The following SLC22A3 variants were observed in gnomAD, a reference collection of about 807,000 sequenced individuals.
SLC22A3 encodes solute carrier family 22 member 3.
A neutral mutation model predicts 59.1 loss-of-function variants in SLC22A3; 51 were observed. The observed-to-expected ratio is 0.86, with a 90% CI of 0.69 to 1.09. The LOEUF (loss-of-function observed/expected upper bound fraction) is 1.09. Among genes scored for constraint, SLC22A3 ranks in the 50% least tolerant of loss-of-function variants. SLC22A3 has a pLI of 0.00. For synonymous variants in SLC22A3, 325 were observed against 292.0 expected (o/e 1.11, Z -1.15); for missense variants, 711 against 726.3 (o/e 0.98, Z 0.24).
chr6:160,386,287 C>T (rs954866972), intron 1 of SLC22A3, among the ~76,000 whole-genome samples: 1 of 152,176 alleles, frequency 6.6e-6, no homozygotes, highest in East Asian at 1.9e-4. Flanking sequence ...GCCCTTTCCC[C>T]TTCATGGTTA....
chr6:160,393,957 A>G (rs908104962), intron 1 of SLC22A3, among the ~76,000 whole-genome samples: 1 of 152,262 alleles, frequency 6.6e-6, no homozygotes, highest in East Asian at 1.9e-4. Context: ...AAAACGAAGC[A>G]ATGTTATCCT....
chr6:160,350,809 C>A (rs911400967), intron 1 of SLC22A3, among the ~76,000 whole-genome samples: 1 of 152,170 alleles, frequency 6.6e-6, no homozygotes, highest in Non-Finnish European at 1.5e-5. Context: ...TTATGAAGAT[C>A]AGTGGCTACT....
At chr6:160,380,455 T>A (rs1040599825) in intron 1 of SLC22A3, among the ~76,000 whole-genome samples, 2 of 152,128 alleles carry the variant, frequency 1.3e-5, no homozygotes, top group African/African-American at 2.4e-5. Context: ...AAATGCAACC[T>A]TTTATGATGA....
chr6:160,448,342 T>C (rs927942847), intron 10 of SLC22A3, among the ~76,000 whole-genome samples: 2 of 152,116 alleles, frequency 1.3e-5, no homozygotes, highest in South Asian at 2.1e-4. Context: ...AGATGATAGA[T>C]AATAGGTAGA....
At chr6:160,357,463 G>T (rs1485774266) in intron 1 of SLC22A3, among the ~76,000 whole-genome samples, 1 of 152,180 alleles carries the variant, frequency 6.6e-6, no homozygotes, top group East Asian at 1.9e-4. Context: ...AGGCTAGTGG[G>T]GAGGGACGCC....
chr6:160,436,730 GT>G (rs34999803), intron 5 of SLC22A3, 49 bp from the exon 6 acceptor site: 37,946 of 977,708 alleles, frequency 0.039, 178 homozygotes, highest in African/African-American at 0.074. Flanking sequence ...TACTATGCAG[GT>G]TTTTTTTTTT....
chr6:160,397,268 C>T (rs554219015), intron 1 of SLC22A3, among the ~76,000 whole-genome samples: 2 of 152,062 alleles, frequency 1.3e-5, no homozygotes, highest in East Asian at 3.9e-4. Context: ...GGTTCACGCT[C>T]CTATGAGAAT....
chr6:160,391,411 T>A (rs945375078), intron 1 of SLC22A3, among the ~76,000 whole-genome samples: 1 of 152,184 alleles, frequency 6.6e-6, no homozygotes, highest in Non-Finnish European at 1.5e-5. Context: ...ATTGGTAACA[T>A]TTATTGGACA....
chr6:160,418,121 C>T (rs990970311), intron 5 of SLC22A3, among the ~76,000 whole-genome samples: 1 of 152,174 alleles, frequency 6.6e-6, no homozygotes, highest in African/African-American at 2.4e-5. Context: ...AGAGGAGATT[C>T]ACATTTGAGT....
At chr6:160,353,907 T>G (rs940390526) in intron 1 of SLC22A3, among the ~76,000 whole-genome samples, 2 of 152,128 alleles carry the variant, frequency 1.3e-5, no homozygotes, top group Non-Finnish European at 2.9e-5. Flanking sequence ...GAGGGGAACA[T>G]TATCCCTTTA....
chr6:160,381,302 A>G (rs1222465585), intron 1 of SLC22A3, among the ~76,000 whole-genome samples: 4 of 152,246 alleles, frequency 2.6e-5, no homozygotes, highest in Non-Finnish European at 5.9e-5. Context: ...TTTCAAAAGC[A>G]TATCAGCAGA....
At chr6:160,367,606 C>A (rs1022414904) in intron 1 of SLC22A3, among the ~76,000 whole-genome samples, 3 of 152,246 alleles carry the variant, frequency 2.0e-5, no homozygotes, top group Admixed American at 2.0e-4. Flanking sequence ...GGCCATGCTG[C>A]TGCTCAGTGT....
chr6:160,436,852 T>C lies in SLC22A3; in HGVS notation c.1048T>C (p.Cys350Arg). ...DLVRTPQMRK[C>R]TLILMFAWFT... ...GGTGAGAACTCCCCAAATGAGGAAA[T>C]GCACACTTATTCTTATGTTTGCTTG... The change falls in exon 6 of 11, where the codon TGC becomes CGC. Residue 350 changes from cysteine (C) to arginine (R), a missense_variant. Physicochemically the swap from Cys to Arg is radical, Grantham distance 180. Coordinates refer to ENST00000275300, the MANE Select transcript of SLC22A3 (RefSeq NM_021977.4). The C allele has an allele frequency of 6.2e-7, 1 of 1,613,970 alleles. No individual in the cohort carries two copies. The highest frequency in any genetic ancestry group is 8.5e-7 in the Non-Finnish European group (1 of 1,179,904).
At chr6:160,428,274 A>T (rs2114898474) in intron 5 of SLC22A3, among the ~76,000 whole-genome samples, 1 of 152,314 alleles carries the variant, frequency 6.6e-6, no homozygotes, top group South Asian at 2.1e-4. Flanking sequence ...CAGCATGCCC[A>T]GTCATCTAGG....
At position 160,395,100 on chromosome 6, in the gene SLC22A3, ATGT is replaced by A. The variant is rs777414472; in HGVS notation, c.430-2875_430-2873del. Among the ~76,000 whole-genome samples, 11 of 152,230 alleles carry A rather than the reference ATGT, an allele frequency of 7.2e-5. No individual in the cohort carries two copies. In the East Asian group the frequency reaches 9.6e-4, roughly 13 times the overall value. ...GATGCCTATCATAAAGCTTTAGAAA[ATGT>A]TGTGTTATCGCTGCACTTTAACCAT... On this transcript the variant is annotated intron_variant, in intron 1 of 10. Coordinates refer to ENST00000275300, the MANE Select transcript of SLC22A3 (RefSeq NM_021977.4).
intron 2 of SLC22A3, among the ~76,000 whole-genome samples, chr6:160,400,115 C>T (rs1330589265): frequency 1.5e-5 from 2 of 132,226 alleles, no homozygotes; most frequent in African/African-American, 6.4e-5. Context: ...TTTTTTGCCA[C>T]CTGAAGCTCT....
At chr6:160,358,657 T>C (rs1784919331) in intron 1 of SLC22A3, among the ~76,000 whole-genome samples, 1 of 152,204 alleles carries the variant, frequency 6.6e-6, no homozygotes, top group Non-Finnish European at 1.5e-5. Flanking sequence ...CGGGTGGCTC[T>C]GGGGACAAAT....
At chr6:160,437,369 G>A (rs766199919) in intron 7 of SLC22A3, among the ~76,000 whole-genome samples, 158 bp downstream of exon 7, 2 of 152,180 alleles carry the variant, frequency 1.3e-5, no homozygotes, top group African/African-American at 2.4e-5. Flanking sequence ...TAAAAACTTC[G>A]AAGTAAGAGA....
chr6:160,352,356 C>A (rs1356175413), intron 1 of SLC22A3, among the ~76,000 whole-genome samples: 1 of 152,208 alleles, frequency 6.6e-6, no homozygotes, highest in African/African-American at 2.4e-5. Flanking sequence ...GTCCGAATCT[C>A]GGCCTTATCT....
Sources: allele counts gnomAD v4.1 joint callset (sites outside exome capture counted in the v4.1 genomes callset), GRCh38; gene constraint gnomAD v4.1.1; transcripts MANE v1.5; gene names NCBI Gene and HGNC (gene_info 2026-07-23, HGNC 2026-07-21).